The following NT5DC1 variants were observed in gnomAD, a reference collection of about 807,000 sequenced individuals.
The protein encoded by NT5DC1 is 5'-nucleotidase domain-containing protein 1.
Under a neutral mutation model 59.4 loss-of-function variants are expected in NT5DC1, and 42 were observed. That is an observed-to-expected ratio of 0.71 (90% confidence interval 0.55 to 0.92). The LOEUF is 0.92. Ranked by LOEUF, NT5DC1 falls within the 40% of genes least tolerant of loss-of-function variation. NT5DC1 has a pLI of 0.00. For missense variants in NT5DC1, 501 were observed against 537.1 expected, an observed-to-expected ratio of 0.93 and a Z score of 0.66; for synonymous variants, 172 against 188.1, an observed-to-expected ratio of 0.91 and a Z score of 0.70.
chr6:116,238,069 T>C, intron 9 of NT5DC1, 118 bp from the exon 10 acceptor site: 1 of 626,328 alleles, frequency 1.6e-6, no homozygotes, highest in South Asian at 2.6e-5. Context: ...AAGATGTTTA[T>C]GCAATTTTTG....
intron 8 of NT5DC1, 124 bp from the exon 9 acceptor site, chr6:116,236,842 T>A: frequency 1.6e-6 from 1 of 639,108 alleles, no homozygotes; most frequent in Non-Finnish European, 2.8e-6. Context: ...CCACTGAATG[T>A]CAGCTCCTTT....
chr6:116,221,593 G>C lies in NT5DC1; in HGVS notation c.704+365G>C, dbSNP rs1256988157. The stretch of plus-strand genomic sequence containing the variant: ...TTATACTCCTCCACAGATACCTGGA[G>C]TACAGCCACTCTTTAGTCATTTCCG... On this transcript the variant is annotated intron_variant, in intron 7 of 11. Transcript: ENST00000319550. Among the ~76,000 whole-genome samples, 15 of 152,298 alleles carry C rather than the reference G, an allele frequency of 9.8e-5. No individual in the cohort carries two copies. The South Asian group carries it at 3.1e-3, about 32-fold the overall frequency.
At chr6:116,223,182 CT>C (rs751184640) in intron 8 of NT5DC1, 51 bp downstream of exon 8, 1 of 937,296 alleles carries the variant, frequency 1.1e-6, no homozygotes, top group East Asian at 2.4e-5. Flanking sequence ...GGCTAACAAC[CT>C]TGTGCAGAAC....
chr6:116,127,605 G>A (rs1486874755), intron 6 of NT5DC1, among the ~76,000 whole-genome samples: 1 of 152,090 alleles, frequency 6.6e-6, no homozygotes, highest in African/African-American at 2.4e-5. Flanking sequence ...CTGCCTTTTG[G>A]CTTATGGCCC....
intron 6 of NT5DC1, chr6:116,120,740 A>G: frequency 1.3e-6 from 2 of 1,593,230 alleles, no homozygotes; most frequent in Non-Finnish European, 1.7e-6. Context: ...GAATCCTGGA[A>G]TGCCTGGTGG....
intron 6 of NT5DC1, among the ~76,000 whole-genome samples, chr6:116,176,977 G>A (rs1244059032): frequency 1.3e-5 from 2 of 152,104 alleles, no homozygotes; most frequent in African/African-American, 4.8e-5. Flanking sequence ...TTTTAATACA[G>A]TTCTTTATCT....
At chr6:116,182,218 G>GGA (rs570519967) in intron 6 of NT5DC1, among the ~76,000 whole-genome samples, 24,886 of 133,302 alleles carry the variant, frequency 0.19, 2,338 homozygotes, top group African/African-American at 0.3. Flanking sequence ...AGTATTCCAT[G>GGA]GAGAGTGTGT....
chr6:116,150,433 C>T (rs533413651), intron 6 of NT5DC1, among the ~76,000 whole-genome samples: 4 of 152,064 alleles, frequency 2.6e-5, no homozygotes, highest in South Asian at 2.1e-4. Flanking sequence ...TACAGGTGCC[C>T]GCCACCACAC....
chr6:116,198,360 G>A (rs1379107717), intron 6 of NT5DC1, among the ~76,000 whole-genome samples: 1 of 152,006 alleles, frequency 6.6e-6, no homozygotes, highest in Non-Finnish European at 1.5e-5. Flanking sequence ...ACCATTATAT[G>A]TAACTGTGCT....
chr6:116,241,838 G>A (rs1320323326), intron 11 of NT5DC1, among the ~76,000 whole-genome samples: 4 of 149,590 alleles, frequency 2.7e-5, no homozygotes, highest in East Asian at 2.0e-4. Flanking sequence ...CAGGAGAATG[G>A]CATGAACCCG....
chr6:116,239,103 C>G lies in NT5DC1; in HGVS notation c.1232C>G (p.Pro411Arg), dbSNP rs1782178268. ...AGTACTTACAGCACTATTGCAATTCCAAGTATTGAAGCAATCGCAGGTAAG... is the reference window on the plus strand; with the variant it reads ...AGTACTTACAGCACTATTGCAATTCGAAGTATTGAAGCAATCGCAGGTAAG... ...RISTYSTIAI[P>R]SIEAIAELPL... The change falls in exon 11 of 12, where the codon CCA (proline) becomes CGA (arginine). Residue 411 changes from proline (P) to arginine (R), a missense_variant. Coordinates refer to ENST00000319550, the MANE Select transcript of NT5DC1 (RefSeq NM_152729.3). 1 of 1,611,348 alleles carries G rather than the reference C, an allele frequency of 6.2e-7. No individual in the cohort carries two copies.
At chr6:116,210,858 G>A (rs1194288130) in intron 6 of NT5DC1, among the ~76,000 whole-genome samples, 1 of 151,990 alleles carries the variant, frequency 6.6e-6, no homozygotes, top group Non-Finnish European at 1.5e-5. Flanking sequence ...GATATGAACA[G>A]AAAATATACT....
intron 6 of NT5DC1, among the ~76,000 whole-genome samples, chr6:116,138,251 A>G (rs1040733372): frequency 6.6e-5 from 10 of 152,176 alleles, no homozygotes; most frequent in African/African-American, 2.4e-4. Flanking sequence ...TTTGAGGCCT[A>G]GAGGTTAAGC....
At chr6:116,144,632 T>A (rs1450108401) in intron 6 of NT5DC1, among the ~76,000 whole-genome samples, 1 of 152,258 alleles carries the variant, frequency 6.6e-6, no homozygotes, top group Non-Finnish European at 1.5e-5. Context: ...CCTTGATTTT[T>A]AATGAGTTAG....
intron 6 of NT5DC1, among the ~76,000 whole-genome samples, chr6:116,155,372 G>A (rs944107682): frequency 1.3e-5 from 2 of 151,888 alleles, no homozygotes; most frequent in African/African-American, 2.4e-5. Context: ...TTATTTTTTG[G>A]TTTTTGTCAC....
chr6:116,212,480 A>T (rs1389103461), intron 6 of NT5DC1, among the ~76,000 whole-genome samples: 1 of 152,094 alleles, frequency 6.6e-6, no homozygotes, highest in Non-Finnish European at 1.5e-5. Context: ...TCTGAAATGG[A>T]TTGCTTCTAA....
chr6:116,169,297 G>A (rs772660921), intron 6 of NT5DC1, among the ~76,000 whole-genome samples: 15 of 152,150 alleles, frequency 9.9e-5, no homozygotes, highest in Non-Finnish European at 2.2e-4. Context: ...TAGACAATTT[G>A]TTCAAATGGC....
At chr6:116,110,654 T>G in intron 3 of NT5DC1, 196 bp from the exon 4 acceptor site, 1 of 663,230 alleles carries the variant, frequency 1.5e-6, no homozygotes, top group Non-Finnish European at 2.7e-6. Flanking sequence ...CTTGATGGAT[T>G]AAAGCGGGTA....
chr6:116,218,360 C>T (rs1781726847), intron 6 of NT5DC1, among the ~76,000 whole-genome samples: 1 of 152,026 alleles, frequency 6.6e-6, no homozygotes, highest in Non-Finnish European at 1.5e-5. Context: ...TTTCTGAAAG[C>T]AAGTCTATGT....
Sources: gnomAD v4.1 joint callset for allele counts (sites outside exome capture counted in the v4.1 genomes callset) on GRCh38, gnomAD v4.1.1 for gene constraint, MANE v1.5 for transcripts, NCBI Gene and HGNC (gene_info 2026-07-23, HGNC 2026-07-21) for gene names.